The following ARHGAP20 variants were observed in gnomAD, a reference collection of about 807,000 sequenced individuals.
The protein encoded by ARHGAP20 is Rho GTPase activating protein 20.
In ARHGAP20, 34 loss-of-function variants were observed where a neutral mutation model predicts 73.7. The observed-to-expected ratio is 0.46, with a 90% CI of 0.35 to 0.61. The LOEUF (loss-of-function observed/expected upper bound fraction) is 0.61. Among genes scored for constraint, ARHGAP20 ranks in the 20% least tolerant of loss-of-function variants. ARHGAP20 has a pLI of 0.00. For missense variants in ARHGAP20, 1,314 were observed against 1,420.9 expected (o/e 0.92, Z 1.21); for synonymous variants, 523 against 518.2 (o/e 1.01, Z -0.13).
At chr11:110,621,182 T>A (rs1390940803) in intron 4 of ARHGAP20, among the ~76,000 whole-genome samples, 1 of 152,028 alleles carries the variant, frequency 6.6e-6, no homozygotes, top group Non-Finnish European at 1.5e-5. Flanking sequence ...TACTACATTG[T>A]TTTTATCTGA....
chr11:110,711,387 C>T (rs1488329652), intron 1 of ARHGAP20, among the ~76,000 whole-genome samples: 1 of 151,698 alleles, frequency 6.6e-6, no homozygotes, highest in East Asian at 1.9e-4. Flanking sequence ...CCCACCTCAG[C>T]CCTCAGGACC....
chr11:110,679,967 A>G (rs1950007644), intron 2 of ARHGAP20, among the ~76,000 whole-genome samples: 1 of 152,214 alleles, frequency 6.6e-6, no homozygotes, highest in South Asian at 2.1e-4. Context: ...AGGTAGCAGT[A>G]GACTCTTACC....
chr11:110,660,799 C>A (rs759508363), intron 2 of ARHGAP20, among the ~76,000 whole-genome samples: 11 of 151,786 alleles, frequency 7.2e-5, no homozygotes, highest in Admixed American at 1.3e-4. Flanking sequence ...TTTTTTCATC[C>A]ACTCTCTTAT....
At chr11:110,584,672 G>T (rs1202082949) in intron 12 of ARHGAP20, among the ~76,000 whole-genome samples, 1 of 151,848 alleles carries the variant, frequency 6.6e-6, no homozygotes, top group Non-Finnish European at 1.5e-5. Flanking sequence ...CACAATAAGA[G>T]CTATTTTACA....
chr11:110,580,184 T>C lies in ARHGAP20; in HGVS notation c.2762A>G (p.Lys921Arg). The C allele has an allele frequency of 6.2e-7, 1 of 1,614,196 alleles. No individual in the cohort carries two copies. Among genetic ancestry groups the C allele is most frequent in the Non-Finnish European group, 8.5e-7 (1 of 1,180,042 alleles). ...AAGGTTTAATCTTGGGGGTAAAACC[T>C]TCTCAGTGTTTTGGTTTGTGGCACT... ...KSSATNQNTE[K>R]VLPPRLNLCP... The change falls in exon 15 of 15, where the codon AAG becomes AGG. Residue 921 changes from lysine (K) to arginine (R), a missense_variant. Coordinates refer to ENST00000683387, the MANE Select transcript of ARHGAP20 (RefSeq NM_001384657.1).
At position 110,700,500 on chromosome 11, in the gene ARHGAP20, C is replaced by T. The variant is rs1490104509; in HGVS notation, c.106-9871G>A. On this transcript the variant is annotated intron_variant, in intron 1 of 14. Coordinates refer to ENST00000683387, the MANE Select transcript of ARHGAP20 (RefSeq NM_001384657.1). ...TGCCTGTAGCATTTACTTGTGGAGA[C>T]GTATCCAAGCCACTGAACAATTATA... Among the ~76,000 whole-genome samples the T allele has an allele frequency of 3.9e-5, 6 of 151,928 alleles. 1 individual carries two copies. Among genetic ancestry groups the T allele is most frequent in the Admixed American group, 3.3e-4 (5 of 15,238 alleles).
chr11:110,687,760 G>A (rs2043407545), intron 2 of ARHGAP20, among the ~76,000 whole-genome samples: 1 of 152,024 alleles, frequency 6.6e-6, no homozygotes. Context: ...AATGAAAATA[G>A]TTCTTAATAA....
At chr11:110,650,992 T>C (rs1233347515) in intron 2 of ARHGAP20, among the ~76,000 whole-genome samples, 1 of 152,246 alleles carries the variant, frequency 6.6e-6, no homozygotes, top group African/African-American at 2.4e-5. Flanking sequence ...TAATTGGAAG[T>C]AAAACGCTCC....
At chr11:110,609,251 T>A (rs896108544) in intron 7 of ARHGAP20, among the ~76,000 whole-genome samples, 6 of 152,082 alleles carry the variant, frequency 3.9e-5, no homozygotes, top group Non-Finnish European at 8.8e-5. Context: ...GGCCCCTTTA[T>A]AAAGGAAAAA....
chr11:110,602,596 A>G (rs118168850), intron 9 of ARHGAP20, among the ~76,000 whole-genome samples: 3 of 152,368 alleles, frequency 2.0e-5, no homozygotes, highest in Non-Finnish European at 2.9e-5. Context: ...CCATTTACCA[A>G]TGGTGAACTG....
intron 2 of ARHGAP20, 60 bp downstream of exon 2, chr11:110,690,487 T>C: frequency 6.8e-7 from 1 of 1,479,406 alleles, no homozygotes; most frequent in African/African-American, 1.4e-5. Flanking sequence ...TGAAAAACTC[T>C]TCATCTAATA....
chr11:110,653,984 T>C (rs920685478), intron 2 of ARHGAP20, among the ~76,000 whole-genome samples: 1 of 152,050 alleles, frequency 6.6e-6, no homozygotes, highest in African/African-American at 2.4e-5. Context: ...TTCTCACTTA[T>C]AAGTGAGAGC....
intron 3 of ARHGAP20, among the ~76,000 whole-genome samples, chr11:110,627,696 T>C (rs1174805283): frequency 1.3e-5 from 2 of 152,236 alleles, no homozygotes; most frequent in Non-Finnish European, 2.9e-5. Context: ...TCATAAAATA[T>C]GATAATAGTG....
chr11:110,635,958 C>G (rs754208439), intron 2 of ARHGAP20, among the ~76,000 whole-genome samples: 2 of 152,038 alleles, frequency 1.3e-5, no homozygotes, highest in Non-Finnish European at 2.9e-5. Context: ...GAAAGAATGG[C>G]TAAAATAATA....
In ARHGAP20 at chr11:110,650,909, A is replaced by G. The variant is rs114279349; in HGVS notation, c.189-20117T>C. Among the ~76,000 whole-genome samples the G allele has an allele frequency of 3.6e-3, 552 of 152,270 alleles. 3 individuals are homozygous for G. The highest frequency in any genetic ancestry group is 0.012 in the African/African-American group (516 of 41,566). ...TGGAATTCTAAGCCCTGATGCGAGG[A>G]CAAATCTTTCAATTTTGCTACTTAC... On this transcript the variant is annotated intron_variant, in intron 2 of 14. Coordinates refer to ENST00000683387, the MANE Select transcript of ARHGAP20 (RefSeq NM_001384657.1).
intron 11 of ARHGAP20, among the ~76,000 whole-genome samples, chr11:110,588,075 T>C (rs1308810619): frequency 1.3e-5 from 2 of 152,180 alleles, no homozygotes; most frequent in Admixed American, 6.6e-5. Context: ...AAAACATCAT[T>C]AACATCTTAA....
chr11:110,692,534 A>G (rs1433962187), intron 1 of ARHGAP20, among the ~76,000 whole-genome samples: 1 of 152,084 alleles, frequency 6.6e-6, no homozygotes, highest in African/African-American at 2.4e-5. Flanking sequence ...GCAGCTTTAC[A>G]TCTGCTTTCT....
chr11:110,592,872 G>A (rs1406146080), intron 9 of ARHGAP20, among the ~76,000 whole-genome samples: 2 of 152,104 alleles, frequency 1.3e-5, no homozygotes, highest in Non-Finnish European at 2.9e-5. Context: ...TGACTTTAAA[G>A]TATGTTTAAG....
rs553674092 is a variant in ARHGAP20, at chr11:110,685,384, C to T, written c.188+5163G>A. On this transcript the variant is annotated intron_variant, in intron 2 of 14. Coordinates refer to ENST00000683387, the MANE Select transcript of ARHGAP20 (RefSeq NM_001384657.1). ...GTAGTTGACTGCAGCTATGTAACCACTCACCTTAGAAAACCTGTAACCTTC... is the reference window on the plus strand; with the variant it reads ...GTAGTTGACTGCAGCTATGTAACCATTCACCTTAGAAAACCTGTAACCTTC... Among the ~76,000 whole-genome samples, 3 of 152,162 alleles carry T rather than the reference C, an allele frequency of 2.0e-5. No individual in the cohort carries two copies. In the South Asian group the frequency reaches 6.2e-4, roughly 32 times the overall value.
Sources: gnomAD v4.1 joint callset for allele counts (sites outside exome capture counted in the v4.1 genomes callset) on GRCh38, gnomAD v4.1.1 for gene constraint, MANE v1.5 for transcripts, NCBI Gene and HGNC (gene_info 2026-07-23, HGNC 2026-07-21) for gene names.